GRIK2: variants seen among roughly 807,000 people sequenced by gnomAD.
The protein encoded by GRIK2 is glutamate ionotropic receptor kainate type subunit 2, also known as glutamate receptor ionotropic, kainate 2.
Under a neutral mutation model 100.3 loss-of-function variants are expected in GRIK2, and 32 were observed. That is an observed-to-expected ratio of 0.32 (90% CI 0.24 to 0.43). The LOEUF is 0.43. Among genes scored for constraint, GRIK2 ranks in the 20% least tolerant of loss-of-function variants. The pLI, the probability that GRIK2 is intolerant of heterozygous loss-of-function variation, is 1.00. For missense variants in GRIK2, 843 were observed against 1,114.9 expected (o/e 0.76, Z 3.47); for synonymous variants, 417 against 389.4 (o/e 1.07, Z -0.83).
At chr6:101,431,920 C>T (rs1427800570) in intron 2 of GRIK2, among the ~76,000 whole-genome samples, 2 of 152,120 alleles carry the variant, frequency 1.3e-5, no homozygotes, top group Admixed American at 6.5e-5. Flanking sequence ...AATCATCTAA[C>T]ACTCCATGAG....
At chr6:101,874,429 G>A (rs1173379114) in intron 11 of GRIK2, among the ~76,000 whole-genome samples, 4 of 152,060 alleles carry the variant, frequency 2.6e-5, no homozygotes, top group East Asian at 3.9e-4. Flanking sequence ...TTATTTGTGC[G>A]GGCTGCGTTC....
At chr6:102,044,296 C>T (rs533569395) in intron 15 of GRIK2, among the ~76,000 whole-genome samples, 25 of 152,068 alleles carry the variant, frequency 1.6e-4, no homozygotes, top group East Asian at 5.8e-4. Flanking sequence ...GTGGTGCTCT[C>T]GAGCTATCAG....
chr6:101,434,161 G>C (rs148188300), intron 2 of GRIK2, among the ~76,000 whole-genome samples: 1 of 152,200 alleles, frequency 6.6e-6, no homozygotes, highest in Non-Finnish European at 1.5e-5. Flanking sequence ...TTATTCCTGT[G>C]TGTGAGTTGG....
intron 15 of GRIK2, among the ~76,000 whole-genome samples, chr6:102,042,859 G>A (rs1256694071): frequency 3.3e-5 from 5 of 151,660 alleles, no homozygotes; most frequent in Admixed American, 1.3e-4. Context: ...AAATATGACA[G>A]CAAATCTATT....
chr6:101,509,767 A>T (rs910776410), intron 2 of GRIK2, among the ~76,000 whole-genome samples: 19 of 152,316 alleles, frequency 1.2e-4, no homozygotes, highest in Admixed American at 1.1e-3. Flanking sequence ...ATTCCAAATG[A>T]TATTTGGATT....
At chr6:101,817,367 C>T (rs1781696645) in intron 9 of GRIK2, among the ~76,000 whole-genome samples, 1 of 152,040 alleles carries the variant, frequency 6.6e-6, no homozygotes, top group Non-Finnish European at 1.5e-5. Flanking sequence ...TATACAAAGA[C>T]TTATTTTAAA....
intron 11 of GRIK2, among the ~76,000 whole-genome samples, chr6:101,887,720 A>G (rs954622076): frequency 4.6e-5 from 7 of 152,046 alleles, no homozygotes; most frequent in African/African-American, 1.4e-4. Context: ...GTGGCAGAGC[A>G]TGGGAGAGGG....
chr6:101,497,811 C>T (rs1344243248), intron 2 of GRIK2, among the ~76,000 whole-genome samples: 1 of 151,758 alleles, frequency 6.6e-6, no homozygotes, highest in African/African-American at 2.4e-5. Flanking sequence ...TTTAAATAGG[C>T]TTATTGAATA....
intron 2 of GRIK2, among the ~76,000 whole-genome samples, chr6:101,404,107 A>G (rs1217065267): frequency 6.6e-6 from 1 of 152,246 alleles, no homozygotes; most frequent in African/African-American, 2.4e-5. Context: ...ATTGTCTTTC[A>G]GAAGCGAACA....
chr6:101,802,255 T>C, intron 8 of GRIK2, 76 bp from the exon 9 acceptor site: 1 of 514,674 alleles, frequency 1.9e-6, no homozygotes, highest in Non-Finnish European at 3.5e-6. Context: ...TGAATATAAG[T>C]TTCCTACTTT....
At chr6:101,612,058 A>G (rs972769734) in intron 2 of GRIK2, among the ~76,000 whole-genome samples, 1 of 151,890 alleles carries the variant, frequency 6.6e-6, no homozygotes, top group Non-Finnish European at 1.5e-5. Context: ...AGCAAGAAGC[A>G]ATACAGAATG....
At chr6:101,802,212 T>A (rs1780714862) in intron 8 of GRIK2, 119 bp from the exon 9 acceptor site, 1 of 412,802 alleles carries the variant, frequency 2.4e-6, no homozygotes, top group Non-Finnish European at 4.3e-6. Context: ...TAAAATATTT[T>A]AAAAATCTCT....
chr6:101,600,494 T>C (rs1220280261), intron 2 of GRIK2, among the ~76,000 whole-genome samples: 1 of 151,966 alleles, frequency 6.6e-6, no homozygotes, highest in African/African-American at 2.4e-5. Flanking sequence ...CTTTGGGCAG[T>C]ATGACCATTT....
At chr6:101,455,981 G>GT (rs751806496) in intron 2 of GRIK2, among the ~76,000 whole-genome samples, 4 of 151,816 alleles carry the variant, frequency 2.6e-5, no homozygotes, top group African/African-American at 4.8e-5. Context: ...GAATTGAGAG[G>GT]TAAAAACTCA....
chr6:101,439,175 G>A (rs893079049), intron 2 of GRIK2, among the ~76,000 whole-genome samples: 1 of 152,102 alleles, frequency 6.6e-6, no homozygotes, highest in African/African-American at 2.4e-5. Flanking sequence ...GTCTATATAT[G>A]TTTATATCAT....
chr6:101,399,519 T>C (rs1429195295), intron 2 of GRIK2, 127 bp downstream of exon 2: 3 of 651,036 alleles, frequency 4.6e-6, no homozygotes, highest in Non-Finnish European at 5.6e-6. Flanking sequence ...TGTCGTCTCC[T>C]GGGGCTTTTA....
intron 14 of GRIK2, among the ~76,000 whole-genome samples, chr6:101,935,691 C>T (rs375357691): frequency 6.6e-6 from 1 of 151,858 alleles, no homozygotes; most frequent in African/African-American, 2.4e-5. Flanking sequence ...GTTTTCTTGC[C>T]TGAGCTTATT....
chr6:101,815,298 A>G (rs1183023319), intron 9 of GRIK2, among the ~76,000 whole-genome samples: 1 of 152,192 alleles, frequency 6.6e-6, no homozygotes, highest in Non-Finnish European at 1.5e-5. Flanking sequence ...TTATAATCTC[A>G]TGACAATTAA....
intron 9 of GRIK2, among the ~76,000 whole-genome samples, chr6:101,813,275 T>G (rs1201261174): frequency 1.3e-5 from 2 of 152,162 alleles, no homozygotes; most frequent in East Asian, 3.8e-4. Context: ...GCTCTCAGTC[T>G]TTTTGAGCAA....
Sources: allele counts gnomAD v4.1 joint callset (sites outside exome capture counted in the v4.1 genomes callset), GRCh38; gene constraint gnomAD v4.1.1; transcripts MANE v1.5; gene names NCBI Gene and HGNC (gene_info 2026-07-23, HGNC 2026-07-21).